DMD: variants seen among roughly 807,000 people sequenced by gnomAD.
The protein encoded by DMD is mutant dystrophin.
DMD carries 63 observed loss-of-function variants against 330.1 expected under a neutral mutation model. The ratio of observed to expected loss-of-function variants is 0.19; its 90% CI spans 0.16 to 0.24. The LOEUF is 0.24. Among genes scored for constraint, DMD ranks in the 10% least tolerant of loss-of-function variants. The pLI is 1.00. For synonymous variants in DMD, 1,223 were observed against 959.8 expected (o/e 1.27, Z -5.07); for missense variants, 3,344 against 2,684.1 (o/e 1.25, Z -5.43).
At chrX:32,673,848 A>C (rs139040896) in intron 9 of DMD, among the ~76,000 whole-genome samples, 1,407 of 112,088 alleles carry the variant, frequency 0.013, 22 homozygotes, top group African/African-American at 0.042. Flanking sequence ...TTGAAGCCTA[A>C]AACCAAATCA....
At chrX:32,538,899 A>T (rs2048240832) in intron 17 of DMD, among the ~76,000 whole-genome samples, 2 of 109,907 alleles carry the variant, frequency 1.8e-5, no homozygotes, top group African/African-American at 6.7e-5. Context: ...GCCCACCAGC[A>T]GTGTTTCTGA....
At chrX:31,482,616 A>G (rs1381011927) in intron 57 of DMD, among the ~76,000 whole-genome samples, 1 of 111,742 alleles carries the variant, frequency 8.9e-6, no homozygotes, top group East Asian at 2.8e-4. Flanking sequence ...GCTGAGAGCA[A>G]TTTCAGTGGA....
chrX:32,227,264 C>CATAT lies in DMD; in HGVS notation c.6291-10205_6291-10202dup, dbSNP rs57305198. Among the ~76,000 whole-genome samples the CATAT allele has an allele frequency of 5.6e-3, 202 of 35,829 alleles. 2 individuals carry two copies. The highest frequency in any genetic ancestry group is 8.0e-3 in the South Asian group (2 of 249). 31.1% of individuals were successfully genotyped at this position (35,829 alleles called of 115,157 possible). A position where few individuals can be genotyped will look rare whatever the true frequency, so the allele number is the denominator to read the frequency against. On this transcript the variant is annotated intron_variant, in intron 43 of 78. Transcript: ENST00000357033. ...GTCTATCCTAGCTTCTAAGTCTAAGCATATATATATATATATATATATATA... is the reference window on the plus strand; with the variant it reads ...GTCTATCCTAGCTTCTAAGTCTAAGCATATATATATATATATATATATATATATA...
At chrX:31,201,580 G>C (rs2148517179) in intron 67 of DMD, among the ~76,000 whole-genome samples, 1 of 112,055 alleles carries the variant, frequency 8.9e-6, no homozygotes, top group African/African-American at 3.2e-5. Context: ...GATGTAGCAG[G>C]CAGAAATGGA....
At chrX:31,642,533 G>T (rs932817876) in intron 54 of DMD, among the ~76,000 whole-genome samples, 2 of 111,960 alleles carry the variant, frequency 1.8e-5, no homozygotes, top group Non-Finnish European at 3.8e-5. Context: ...TATGCTAATT[G>T]ACAACATTGA....
intron 62 of DMD, among the ~76,000 whole-genome samples, chrX:31,275,864 C>G: frequency 9.0e-6 from 1 of 111,366 alleles, no homozygotes; most frequent in Admixed American, 9.6e-5. Flanking sequence ...GATAATGGCC[C>G]TATTAGCTGT....
chrX:31,395,098 G>C (rs759264420), intron 60 of DMD, among the ~76,000 whole-genome samples: 2 of 110,004 alleles, frequency 1.8e-5, no homozygotes, highest in South Asian at 7.9e-4. Flanking sequence ...GACTCTAGTA[G>C]AGCTGCCAAT....
At chrX:32,249,307 A>C (rs1487037585) in intron 43 of DMD, among the ~76,000 whole-genome samples, 1 of 111,908 alleles carries the variant, frequency 8.9e-6, no homozygotes, top group East Asian at 2.8e-4. Context: ...ATAGTTCCTT[A>C]AATCTAAATC....
intron 50 of DMD, among the ~76,000 whole-genome samples, chrX:31,807,234 C>G (rs1461719792): frequency 8.9e-6 from 1 of 112,028 alleles, no homozygotes; most frequent in Admixed American, 9.5e-5. Flanking sequence ...AAAATACTTT[C>G]AGAGAATCAG....
At chrX:33,313,995 G>C (rs1314922304) in intron 1 of DMD, among the ~76,000 whole-genome samples, 1 of 109,699 alleles carries the variant, frequency 9.1e-6, no homozygotes, top group Non-Finnish European at 1.9e-5. Context: ...ATATATGTGT[G>C]TGTGTGTGTG....
At position 32,345,995 on chromosome X, in the gene DMD, T is replaced by C. The variant is rs1369140143; in HGVS notation, c.5534A>G (p.Glu1845Gly). The C allele has an allele frequency of 3.3e-6, 4 of 1,207,636 alleles. No individual in the cohort carries two copies. The highest frequency in any genetic ancestry group is 2.2e-6 in the Non-Finnish European group (2 of 893,858). ...QQRITDERKREEIKIKQQLLQ... is the reference protein window; with the variant it reads ...QQRITDERKRGEIKIKQQLLQ... ...CAGCTGCTGTTTTATCTTTATTTCC[T>C]CTCGCTTTCTCTCATCTGTGATTCT... is the stretch of plus-strand genomic sequence containing the variant. Residue 1845 changes from glutamate (E) to glycine (G), a missense_variant, in exon 39 of 79, where the codon GAG becomes GGG. Coordinates refer to ENST00000357033, the MANE Select transcript of DMD (RefSeq NM_004006.3).
intron 12 of DMD, among the ~76,000 whole-genome samples, chrX:32,596,360 C>T (rs2055533025): frequency 9.2e-6 from 1 of 108,603 alleles, no homozygotes; most frequent in African/African-American, 3.4e-5. Flanking sequence ...TCCTACTATT[C>T]ACTTTGCCCA....
At chrX:33,065,915 A>AT (rs1218860631) in intron 1 of DMD, among the ~76,000 whole-genome samples, 1 of 111,773 alleles carries the variant, frequency 8.9e-6, no homozygotes, top group Non-Finnish European at 1.9e-5. Context: ...TTTGCCTCAA[A>AT]TATCAAAACT....
At chrX:31,952,613 T>C (rs892425640) in intron 45 of DMD, among the ~76,000 whole-genome samples, 5 of 111,359 alleles carry the variant, frequency 4.5e-5, no homozygotes, top group Admixed American at 3.8e-4. Context: ...TACCATACTT[T>C]CATTTAATTA....
At chrX:32,128,019 T>A (rs1192133508) in intron 44 of DMD, among the ~76,000 whole-genome samples, 1 of 112,340 alleles carries the variant, frequency 8.9e-6, no homozygotes, top group Non-Finnish European at 1.9e-5. Flanking sequence ...TTAGAGGTAA[T>A]CACTACTGTC....
At chrX:32,735,835 C>A (rs1484554355) in intron 7 of DMD, among the ~76,000 whole-genome samples, 8 of 111,763 alleles carry the variant, frequency 7.2e-5, no homozygotes, top group Admixed American at 6.7e-4. Context: ...CTAGGCATTA[C>A]CATTCAGGAC....
chrX:33,011,482 T>G (rs1195881609), intron 2 of DMD, among the ~76,000 whole-genome samples: 1 of 112,312 alleles, frequency 8.9e-6, no homozygotes, highest in Non-Finnish European at 1.9e-5. Flanking sequence ...TTTAAAAAGC[T>G]ATTATCCTCT....
intron 12 of DMD, among the ~76,000 whole-genome samples, chrX:32,598,875 C>G (rs1168769869): frequency 8.9e-6 from 1 of 111,739 alleles, no homozygotes; most frequent in Admixed American, 9.5e-5. Context: ...CACAAGAACC[C>G]TCTGGACTTA....
At chrX:31,912,396 CAACT>C (rs1321878560) in intron 47 of DMD, among the ~76,000 whole-genome samples, 1 of 111,080 alleles carries the variant, frequency 9.0e-6, no homozygotes, top group Admixed American at 9.6e-5. Context: ...ACCTCTCAAC[CAACT>C]GACTACCACT....
Sources: gnomAD v4.1 joint callset for allele counts (sites outside exome capture counted in the v4.1 genomes callset) on GRCh38, gnomAD v4.1.1 for gene constraint, MANE v1.5 for transcripts, NCBI Gene and HGNC (gene_info 2026-07-23, HGNC 2026-07-21) for gene names.